Variants in TMC7 observed in about 807,000 individuals in gnomAD.
The protein encoded by TMC7 is transmembrane channel-like protein 7.
In TMC7, 54 loss-of-function variants were observed where a neutral mutation model predicts 82.9. The observed-to-expected ratio is 0.65, with a 90% CI of 0.52 to 0.82. The LOEUF is 0.82. Among genes scored for constraint, TMC7 ranks in the 40% least tolerant of loss-of-function variants. The pLI is 0.00. For synonymous variants in TMC7, 350 were observed against 337.9 expected (o/e 1.04, Z -0.39); for missense variants, 820 against 901.2 (o/e 0.91, Z 1.15).
chr16:19,054,844 A>G (rs949694418), intron 13 of TMC7, among the ~76,000 whole-genome samples: 5 of 148,634 alleles, frequency 3.4e-5, no homozygotes, highest in Non-Finnish European at 7.4e-5. Flanking sequence ...TCCCAGGTTC[A>G]AGCGATTCTC....
intron 11 of TMC7, among the ~76,000 whole-genome samples, chr16:19,046,824 C>A (rs1961293729): frequency 6.9e-6 from 1 of 145,212 alleles, no homozygotes. Context: ...CAGAGTGAGA[C>A]CTTGTCTCAA....
At chr16:19,022,572 C>G (rs955436622) in intron 4 of TMC7, among the ~76,000 whole-genome samples, 1 of 152,206 alleles carries the variant, frequency 6.6e-6, no homozygotes, top group African/African-American at 2.4e-5. Context: ...ATAGGCCATA[C>G]CATACAGCCT....
At chr16:18,997,640 G>GGC (rs2039066542) in intron 1 of TMC7, among the ~76,000 whole-genome samples, 1 of 151,860 alleles carries the variant, frequency 6.6e-6, no homozygotes, top group Admixed American at 6.6e-5. Context: ...AAAGTGCTGG[G>GGC]ATTGAGCCAC....
intron 5 of TMC7, among the ~76,000 whole-genome samples, chr16:19,029,059 G>A (rs1298614549): frequency 6.6e-6 from 1 of 151,596 alleles, no homozygotes; most frequent in Admixed American, 6.6e-5. Context: ...AGGCTGGAGT[G>A]CAGTGGCACA....
Position 18,984,860 on chromosome 16 carries a change from G to A in TMC7, c.67+730G>A, listed in dbSNP as rs113400805. Among the ~76,000 whole-genome samples, 394 of 152,326 alleles carry A rather than the reference G, an allele frequency of 2.6e-3. 2 individuals are homozygous for A. Among genetic ancestry groups the A allele is most frequent in the African/African-American group, 9.3e-3 (385 of 41,560 alleles). ...CAGCACTCAGGCAGGGTTCCTTGTA[G>A]CATTTGGAGCTTACGAATCTTGTCC... On this transcript the variant is annotated intron_variant, in intron 1 of 15. Coordinates refer to ENST00000304381, the MANE Select transcript of TMC7 (RefSeq NM_024847.4).
intron 5 of TMC7, 28 bp from the exon 6 acceptor site, chr16:19,030,196 T>A: frequency 6.2e-7 from 1 of 1,602,634 alleles, no homozygotes; most frequent in Non-Finnish European, 8.5e-7. Context: ...CTGACCAGTC[T>A]GACTTCATGC....
At chr16:19,019,938 C>T (rs1959883766) in intron 3 of TMC7, among the ~76,000 whole-genome samples, 1 of 152,180 alleles carries the variant, frequency 6.6e-6, no homozygotes. Context: ...TATCTTCGGT[C>T]TCCAGTAATA....
At chr16:19,060,331 A>G (rs2142327345) in intron 15 of TMC7, among the ~76,000 whole-genome samples, 1 of 152,120 alleles carries the variant, frequency 6.6e-6, no homozygotes, top group South Asian at 2.1e-4. Context: ...TAGCCTCCCA[A>G]GTAGCTGGGA....
intron 5 of TMC7, among the ~76,000 whole-genome samples, chr16:19,023,699 G>C (rs1430257698): frequency 6.6e-6 from 1 of 152,114 alleles, no homozygotes; most frequent in East Asian, 1.9e-4. Context: ...CACTCTCCTT[G>C]GCCTCCCAAA....
rs750943188 is a variant in TMC7 at position 19,059,423 on chromosome 16, A to C, written c.2035A>C (p.Met679Leu). ...GTCTGTCTTGTGTTGCAGCCTCATCATGTTTTACTTCATTGCCTTAGCTGG... is the reference window on the plus strand; with the variant it reads ...GTCTGTCTTGTGTTGCAGCCTCATCCTGTTTTACTTCATTGCCTTAGCTGG... ...VPFFMIICLI[M>L]FYFIALAGAH... Residue 679 changes from methionine to leucine, a missense_variant, in exon 15 of 16, where the codon ATG (methionine) becomes CTG (leucine). Met to Leu is a conservative substitution (Grantham distance 15). Coordinates refer to ENST00000304381, the MANE Select transcript of TMC7 (RefSeq NM_024847.4). 8 of 1,613,518 alleles carry C rather than the reference A, an allele frequency of 5.0e-6. No homozygotes were observed. The highest frequency in any genetic ancestry group is 6.8e-6 in the Non-Finnish European group (8 of 1,179,838).
chr16:19,007,630 A>G (rs1159644371), intron 1 of TMC7, among the ~76,000 whole-genome samples: 1 of 151,996 alleles, frequency 6.6e-6, no homozygotes, highest in African/African-American at 2.4e-5. Context: ...ATCACGTGCC[A>G]CTGCACTCCA....
At chr16:19,005,140 GTGC>G (rs2039216177) in intron 1 of TMC7, among the ~76,000 whole-genome samples, 1 of 151,676 alleles carries the variant, frequency 6.6e-6, no homozygotes, top group African/African-American at 2.4e-5. Context: ...CCAGGCTGGA[GTGC>G]AATGGCAAAA....
At chr16:19,053,068 G>T (rs1443601217) in intron 13 of TMC7, among the ~76,000 whole-genome samples, 2 of 151,990 alleles carry the variant, frequency 1.3e-5, no homozygotes, top group African/African-American at 4.8e-5. Context: ...GCTCTTTATT[G>T]TTATGATAAT....
intron 13 of TMC7, among the ~76,000 whole-genome samples, chr16:19,054,740 CTT>C (rs71143826): frequency 4.6e-3 from 289 of 63,126 alleles, no homozygotes; most frequent in African/African-American, 0.013. Flanking sequence ...ATGGGATTTG[CTT>C]TTTTTTTTTT....
rs1345040465 is a variant in TMC7, at chr16:19,047,068, T to C, written c.1559T>C (p.Leu520Pro). ...TLFVDFPRKL[L>P]VTYCSSCKLI... Reference sequence around the variant, plus strand: ...TGAGAATTGTCTGTTTCCAGGCTCCTGGTGACCTACTGTTCCTCTTGCAAG... The same window carrying C: ...TGAGAATTGTCTGTTTCCAGGCTCCCGGTGACCTACTGTTCCTCTTGCAAG... The change falls in exon 12 of 16, where the codon CTG (leucine) becomes CCG (proline). Residue 520 changes from leucine to proline, a missense_variant. By Grantham distance (98) the Leu-to-Pro change is moderately conservative (BLOSUM62 -3). Coordinates refer to ENST00000304381, the MANE Select transcript of TMC7 (RefSeq NM_024847.4). 1 of 1,605,892 alleles carries C rather than the reference T, an allele frequency of 6.2e-7. No individual in the cohort carries two copies.
chr16:19,041,658 CA>C (rs1961021626), intron 9 of TMC7, among the ~76,000 whole-genome samples: 1 of 152,188 alleles, frequency 6.6e-6, no homozygotes, highest in Non-Finnish European at 1.5e-5. Flanking sequence ...AGGCGTGAGC[CA>C]CCGTGCCCAG....
intron 5 of TMC7, among the ~76,000 whole-genome samples, chr16:19,023,903 A>G (rs183947098): frequency 6.6e-6 from 1 of 152,236 alleles, no homozygotes; most frequent in Non-Finnish European, 1.5e-5. Context: ...GATGAAAGAC[A>G]TAGCTCTTCT....
chr16:19,052,998 C>A (rs1460671850), intron 13 of TMC7, among the ~76,000 whole-genome samples: 2 of 152,220 alleles, frequency 1.3e-5, no homozygotes, highest in African/African-American at 4.8e-5. Flanking sequence ...CAGACATGAG[C>A]TACCATGCTT....
chr16:18,993,493 A>G (rs375355971), intron 1 of TMC7, among the ~76,000 whole-genome samples: 12 of 152,288 alleles, frequency 7.9e-5, no homozygotes, highest in African/African-American at 2.9e-4. Flanking sequence ...AGAAGAGTAA[A>G]TAGGAGTGAC....
Sources: allele counts gnomAD v4.1 joint callset (sites outside exome capture counted in the v4.1 genomes callset), GRCh38; gene constraint gnomAD v4.1.1; transcripts MANE v1.5; gene names NCBI Gene and HGNC (gene_info 2026-07-23, HGNC 2026-07-21).